Variants in RNF19A observed in about 807,000 individuals in gnomAD.
The protein encoded by RNF19A is ring finger protein 19A, RBR E3 ubiquitin protein ligase.
RNF19A carries 32 observed loss-of-function variants against 75.7 expected under a neutral mutation model. The observed-to-expected ratio is 0.42, with a 90% CI of 0.32 to 0.57. RNF19A has a LOEUF of 0.57. RNF19A is among the 20% of genes least tolerant of loss of function. The pLI is 0.10. For missense variants in RNF19A, 782 were observed against 1,036.3 expected (o/e 0.75, Z 3.37); for synonymous variants, 335 against 345.2 (o/e 0.97, Z 0.33).
intron 5 of RNF19A, among the ~76,000 whole-genome samples, chr8:100,266,512 T>C (rs1819985459): frequency 6.6e-6 from 1 of 152,164 alleles, no homozygotes; most frequent in South Asian, 2.1e-4. Flanking sequence ...AATTTTTTAT[T>C]TTTTCTCTCT....
upstream of RNF19A, among the ~76,000 whole-genome samples, chr8:100,314,116 A>G (rs542823563): frequency 6.6e-6 from 1 of 152,056 alleles, no homozygotes; most frequent in Admixed American, 6.5e-5. The surrounding 1 kb of genome is among the most constrained non-coding windows in gnomAD (Gnocchi z 4.1). Context: ...TCCTGGGCTT[A>G]AGTAATCTGC....
In RNF19A at chr8:100,292,562, T is replaced by C. The variant is rs75221324; in HGVS notation, c.-93-4295A>G. Among the ~76,000 whole-genome samples, 1,286 of 152,218 alleles carry C rather than the reference T, an allele frequency of 8.4e-3. 18 individuals carry two copies. Among genetic ancestry groups the C allele is most frequent in the Admixed American group, 0.019 (293 of 15,290 alleles). ...TCAAATTCACATATCTTTCTGACTT[T>C]TGACTTCTACACCAGCCTTAGAAAG... is the stretch of plus-strand genomic sequence containing the variant. On this transcript the variant is annotated intron_variant, in intron 1 of 9. Coordinates refer to ENST00000341084, the MANE Select transcript of RNF19A (RefSeq NM_183419.4).
rs908042811 is a variant in RNF19A, at chr8:100,284,748, G to T, written c.674+2753C>A. ...AAAATATCCCAAAGTATGAGTTTCT[G>T]ATTATTTTTATTAAGAAATATCACA... is the stretch of plus-strand genomic sequence containing the variant. On this transcript the variant is annotated intron_variant, in intron 2 of 9. Transcript: ENST00000341084. The surrounding 1 kb of genome is among the most constrained non-coding windows in gnomAD (Gnocchi z 4.3). 2.0e-5 allele frequency among the ~76,000 whole-genome samples: 3 copies of T among 151,970 alleles called. No homozygotes were observed. Among genetic ancestry groups the T allele is most frequent in the Non-Finnish European group, 4.4e-5 (3 of 67,922 alleles).
chr8:100,288,917 G>A (rs901132880), intron 1 of RNF19A, among the ~76,000 whole-genome samples: 14 of 152,084 alleles, frequency 9.2e-5, no homozygotes, highest in African/African-American at 1.9e-4. Context: ...AAAACTAGCC[G>A]GGTGTGGTGG....
chr8:100,271,721 T>C (rs189802042), intron 3 of RNF19A, among the ~76,000 whole-genome samples: 54 of 152,336 alleles, frequency 3.5e-4, no homozygotes, highest in African/African-American at 1.3e-3. Context: ...ACTCTCTGTA[T>C]ACTTATTTAT....
upstream of RNF19A, among the ~76,000 whole-genome samples, chr8:100,314,862 A>AT (rs1441828917): frequency 1.3e-5 from 2 of 152,162 alleles, no homozygotes; most frequent in Non-Finnish European, 2.9e-5. The surrounding 1 kb of genome is among the most constrained non-coding windows in gnomAD (Gnocchi z 4.1). Context: ...AGAGAACTTA[A>AT]TGCCTGACAC....
In RNF19A at chr8:100,269,170, T is replaced by C. The variant is rs1820136762; in HGVS notation, c.1029-223A>G. ...ATATTATATTTTATTATTTAATCTA[T>C]ATTATATTAACAAGATACTGATAAC... On this transcript the variant is annotated intron_variant, in intron 4 of 9. Coordinates refer to ENST00000341084, the MANE Select transcript of RNF19A (RefSeq NM_183419.4). The surrounding 1 kb of genome is among the most constrained non-coding windows in gnomAD (Gnocchi z 5.7). 6.6e-6 allele frequency among the ~76,000 whole-genome samples: 1 copy of C among 150,652 alleles called. No homozygotes were observed. The highest frequency in any genetic ancestry group is 1.5e-5 in the Non-Finnish European group (1 of 67,676).
At chr8:100,265,618 T>C (rs1819935438) in intron 5 of RNF19A, among the ~76,000 whole-genome samples, 1 of 152,164 alleles carries the variant, frequency 6.6e-6, no homozygotes, top group South Asian at 2.1e-4. Flanking sequence ...GGGGACTCTC[T>C]AAAATAAAAT....
At chr8:100,279,848 A>G (rs1399758850) in intron 2 of RNF19A, among the ~76,000 whole-genome samples, 2 of 151,956 alleles carry the variant, frequency 1.3e-5, no homozygotes, top group East Asian at 3.9e-4. Flanking sequence ...TGTTTTTAGT[A>G]GGGATGGGGT....
chr8:100,262,504 A>T (rs1437131789), intron 7 of RNF19A, among the ~76,000 whole-genome samples: 3 of 152,292 alleles, frequency 2.0e-5, no homozygotes, highest in East Asian at 3.9e-4. Context: ...CACCCTCAAA[A>T]ATCAAGCAAG....
intron 3 of RNF19A, among the ~76,000 whole-genome samples, chr8:100,274,498 T>C (rs887263269): frequency 6.6e-6 from 1 of 152,202 alleles, no homozygotes; most frequent in Non-Finnish European, 1.5e-5. Context: ...TCATGTGACT[T>C]TTTTTCTAGT....
intron 1 of RNF19A, among the ~76,000 whole-genome samples, chr8:100,315,009 A>G (rs1345615409): frequency 6.6e-6 from 1 of 152,190 alleles, no homozygotes; most frequent in Non-Finnish European, 1.5e-5. Context: ...AGGGAAACTG[A>G]CATCGAGAAA....
chr8:100,276,471 G>C (rs1476793924), intron 2 of RNF19A, among the ~76,000 whole-genome samples: 2 of 151,968 alleles, frequency 1.3e-5, no homozygotes, highest in Admixed American at 6.6e-5. Context: ...AGCAACACAG[G>C]CCAGGCATGG....
Position 100,322,129 on chromosome 8 carries a change from CCTTTGAAG to C in RNF19A, c.-242-8765_-242-8758del, listed in dbSNP as rs1822473253. Among the ~76,000 whole-genome samples, 1 of 152,190 alleles carries C rather than the reference CCTTTGAAG, an allele frequency of 6.6e-6. No homozygotes were observed. Among genetic ancestry groups the C allele is most frequent in the Non-Finnish European group, 1.5e-5 (1 of 68,018 alleles). ...GCCCCTAAGGAGAGAGTCAGCCTCTCCTTTGAAGCTTTGAAGCCAAGCATTGACTTCTC... is the reference window on the plus strand; with the variant it reads ...GCCCCTAAGGAGAGAGTCAGCCTCTCCTTTGAAGCCAAGCATTGACTTCTC... On this transcript the variant is annotated intron_variant, in intron 1 of 3. Transcript: ENST00000519527. This position sits in a 1 kb window ranked among gnomAD's most constrained non-coding sequence, Gnocchi z 5.1.
upstream of RNF19A, chr8:100,313,221 G>A (rs1194704286): frequency 3.4e-6 from 2 of 589,606 alleles, no homozygotes; most frequent in Non-Finnish European, 4.3e-6. Flanking sequence ...CTACATATCC[G>A]TTTGCATGGT....
intron 1 of RNF19A, among the ~76,000 whole-genome samples, chr8:100,328,138 C>T (rs756646673): frequency 1.1e-3 from 166 of 152,314 alleles, no homozygotes; most frequent in Non-Finnish European, 1.8e-3. Flanking sequence ...ACTCCTCACA[C>T]AATGCACCTC....
At chr8:100,271,757 T>G (rs1258585350) in intron 3 of RNF19A, among the ~76,000 whole-genome samples, 1 of 152,212 alleles carries the variant, frequency 6.6e-6, no homozygotes, top group East Asian at 1.9e-4. Context: ...TAGTTTGCTT[T>G]GTGTCTTTCC....
intron 1 of RNF19A, among the ~76,000 whole-genome samples, chr8:100,293,566 T>A (rs1199348787): frequency 6.6e-6 from 1 of 152,238 alleles, no homozygotes; most frequent in African/African-American, 2.4e-5. Context: ...TTGATAAAGA[T>A]GTGCCTAGAT....
In RNF19A at chr8:100,258,143, A is replaced by C. The variant is rs1819539134; in HGVS notation, c.*413T>G. On this transcript the variant is annotated 3_prime_UTR_variant, in exon 10 of 10. Coordinates refer to ENST00000341084, the MANE Select transcript of RNF19A (RefSeq NM_183419.4). The surrounding 1 kb of genome is among the most constrained non-coding windows in gnomAD (Gnocchi z 4.3). ...TAACCTATGCAGTTCTTTTAAACTT[A>C]TCTCTTTAGTGGTTTCAATAAAATA... is the stretch of plus-strand genomic sequence containing the variant. 2 of 403,638 alleles carry C rather than the reference A, an allele frequency of 5.0e-6. No individual in the cohort carries two copies. Among genetic ancestry groups the C allele is most frequent in the African/African-American group, 2.1e-5 (1 of 48,608 alleles). The allele number at this position is 403,638 out of a possible 1,614,324, so 25.0% of individuals were successfully genotyped here. A position where few individuals can be genotyped will look rare whatever the true frequency, so the allele number is the denominator to read the frequency against.
Sources: allele counts gnomAD v4.1 joint callset (sites outside exome capture counted in the v4.1 genomes callset), GRCh38; gene constraint gnomAD v4.1.1; non-coding constraint Gnocchi (gnomAD v3.1); transcripts MANE v1.5; gene names NCBI Gene and HGNC (gene_info 2026-07-23, HGNC 2026-07-21).